Variants in VAT1L observed in about 807,000 individuals in gnomAD.
The protein encoded by VAT1L is putative NADPH-dependent quinone oxidoreductase VAT1L.
VAT1L carries 34 observed loss-of-function variants against 44.1 expected under a neutral mutation model. The observed-to-expected ratio is 0.77, with a 90% CI of 0.59 to 1.03. The LOEUF is 1.03. VAT1L is among the 50% of genes least tolerant of loss of function. The pLI is 0.00. For synonymous variants in VAT1L, 253 were observed against 202.2 expected (o/e 1.25, Z -2.13); for missense variants, 615 against 538.8 (o/e 1.14, Z -1.40).
At chr16:77,953,495 C>CT (rs1288334721) in intron 7 of VAT1L, among the ~76,000 whole-genome samples, 3 of 152,076 alleles carry the variant, frequency 2.0e-5, no homozygotes, top group Non-Finnish European at 4.4e-5. Context: ...TATTTCTGGA[C>CT]TTTTTTTCAT....
At chr16:77,839,535 CAAAAAAAAAAAAA>C (rs71137846) in intron 3 of VAT1L, among the ~76,000 whole-genome samples, 10 of 49,084 alleles carry the variant, frequency 2.0e-4, no homozygotes, top group East Asian at 1.2e-3. Flanking sequence ...TACTCCATAT[CAAAAAAAAAAAAA>C]AAAAAAAAAA....
rs55995217 is a variant in VAT1L, at chr16:77,880,591, ATTTT to A, written c.882+1386_882+1389del. Among the ~76,000 whole-genome samples the A allele has an allele frequency of 7.4e-5, 4 of 54,260 alleles. No individual in the cohort carries two copies. In the Admixed American group the frequency reaches 1.4e-3, roughly 18 times the overall value. The allele number at this position is 54,260 out of a possible 152,430, so 35.6% of individuals were successfully genotyped here. A position where few individuals can be genotyped will look rare whatever the true frequency, so the allele number is the denominator to read the frequency against. Reference sequence around the variant, plus strand: ...TTTTTTTCTTCGCACGTTCCAGGGTATTTTTTTTTTTTTTTTTTTTTTAGTAATT... The same window carrying A: ...TTTTTTTCTTCGCACGTTCCAGGGTATTTTTTTTTTTTTTTTTTAGTAATT... On this transcript the variant is annotated intron_variant, in intron 6 of 8. Coordinates refer to ENST00000302536, the MANE Select transcript of VAT1L (RefSeq NM_020927.3).
At chr16:77,972,008 T>TG (rs888485250) in intron 8 of VAT1L, 75 bp downstream of exon 8, 1 of 1,450,656 alleles carries the variant, frequency 6.9e-7, no homozygotes, top group African/African-American at 1.4e-5. Flanking sequence ...CAGACACGGG[T>TG]GGGGTAGAAG....
chr16:77,962,625 G>A (rs895779478), intron 7 of VAT1L, among the ~76,000 whole-genome samples: 6 of 152,002 alleles, frequency 3.9e-5, no homozygotes, highest in African/African-American at 1.4e-4. Flanking sequence ...GCTCATGCCT[G>A]TAATCCCAGC....
At chr16:77,947,172 G>C (rs796194849) in intron 7 of VAT1L, among the ~76,000 whole-genome samples, 16 of 152,274 alleles carry the variant, frequency 1.1e-4, no homozygotes, top group African/African-American at 3.6e-4. Context: ...AGATTTTAAA[G>C]TCACACTGAC....
At chr16:77,824,436 A>T (rs1022478959) in intron 2 of VAT1L, among the ~76,000 whole-genome samples, 1 of 152,140 alleles carries the variant, frequency 6.6e-6, no homozygotes, top group Non-Finnish European at 1.5e-5. Flanking sequence ...GTATTTTAAA[A>T]GTTATTCGTT....
At chr16:77,920,318 T>C (rs577835536) in intron 7 of VAT1L, among the ~76,000 whole-genome samples, 18 of 152,220 alleles carry the variant, frequency 1.2e-4, no homozygotes, top group Non-Finnish European at 1.8e-4. Context: ...AGGAAACTGA[T>C]AGAGGCAGGT....
intron 3 of VAT1L, among the ~76,000 whole-genome samples, chr16:77,851,758 C>A (rs777906637): frequency 1.3e-5 from 2 of 152,126 alleles, no homozygotes; most frequent in Non-Finnish European, 2.9e-5. Flanking sequence ...CATGTGAGTT[C>A]GCTGAGGCTC....
Position 77,977,703 on chromosome 16 carries a change from C to G in VAT1L, c.*8C>G. 6.2e-7 allele frequency: 1 copy of G among 1,612,850 alleles called. No individual in the cohort carries two copies. Among genetic ancestry groups the G allele is most frequent in the Non-Finnish European group, 8.5e-7 (1 of 1,179,400 alleles). On this transcript the variant is annotated 3_prime_UTR_variant, in exon 9 of 9. Transcript: ENST00000302536. ...ATGCCCTTTATCCAGTAACTGAGGA[C>G]CCAGGTGGGAGAATGTGAAGGATGG...
chr16:77,805,009 G>C (rs1237304818), intron 1 of VAT1L, among the ~76,000 whole-genome samples: 1 of 152,168 alleles, frequency 6.6e-6, no homozygotes, highest in East Asian at 1.9e-4. Context: ...TGGTTAGAGA[G>C]GGTGGACAGG....
intron 7 of VAT1L, among the ~76,000 whole-genome samples, chr16:77,927,900 C>A (rs909049997): frequency 2.6e-5 from 4 of 152,136 alleles, no homozygotes; most frequent in African/African-American, 9.7e-5. Context: ...ATAAACTTTT[C>A]AATTTCCTTT....
At chr16:77,867,149 A>C (rs1022060244) in intron 4 of VAT1L, among the ~76,000 whole-genome samples, 1 of 152,204 alleles carries the variant, frequency 6.6e-6, no homozygotes, top group Non-Finnish European at 1.5e-5. Flanking sequence ...AGGTAGGAAC[A>C]GATTTGGCCT....
At chr16:77,888,342 C>T (rs1274561869) in intron 7 of VAT1L, among the ~76,000 whole-genome samples, 3 of 152,272 alleles carry the variant, frequency 2.0e-5, no homozygotes, top group South Asian at 4.1e-4. Flanking sequence ...TATATTATTC[C>T]AGACCCCAGT....
At chr16:77,943,693 C>T (rs1468503080) in intron 7 of VAT1L, among the ~76,000 whole-genome samples, 3 of 152,084 alleles carry the variant, frequency 2.0e-5, no homozygotes, top group South Asian at 2.1e-4. Context: ...TGAGTCACTG[C>T]GCCCGACCCA....
At chr16:77,855,863 C>T (rs1033049127) in intron 3 of VAT1L, among the ~76,000 whole-genome samples, 1 of 152,034 alleles carries the variant, frequency 6.6e-6, no homozygotes, top group Non-Finnish European at 1.5e-5. Flanking sequence ...ACTAAAAATA[C>T]AAAAATTAGC....
chr16:77,906,275 G>A (rs2017435622), intron 7 of VAT1L, among the ~76,000 whole-genome samples: 1 of 152,190 alleles, frequency 6.6e-6, no homozygotes, highest in Non-Finnish European at 1.5e-5. Context: ...GTGCAATGTG[G>A]AGACGGCTTT....
Position 77,816,976 on chromosome 16 carries a change from A to T in VAT1L, c.289A>T (p.Lys97Ter). The T allele has an allele frequency of 1.2e-6, 2 of 1,614,036 alleles. No individual in the cohort carries two copies. The highest frequency in any genetic ancestry group is 1.7e-6 in the Non-Finnish European group (2 of 1,179,938). ...VRQGNIDNPP[K>*]TPLVPGFECS... is the part of the protein sequence containing the mutation. ...ACAAGGGAATATTGACAACCCTCCC[A>T]AGACTCCCCTGGTGCCAGGATTTGA... Residue 97 changes from lysine to a stop codon, truncating the protein, a stop_gained, in exon 2 of 9, where the codon AAG (lysine) becomes TAG (stop). Transcript: ENST00000302536. LOFTEE classifies it high-confidence loss of function.
chr16:77,827,063 A>G (rs2016531040), intron 3 of VAT1L, among the ~76,000 whole-genome samples: 1 of 152,218 alleles, frequency 6.6e-6, no homozygotes, highest in Non-Finnish European at 1.5e-5. Flanking sequence ...AAAGATAGGA[A>G]ACTTTAGGAA....
intron 7 of VAT1L, among the ~76,000 whole-genome samples, chr16:77,969,937 G>A (rs1050500283): frequency 2.6e-5 from 4 of 151,574 alleles, no homozygotes; most frequent in Non-Finnish European, 5.9e-5. Flanking sequence ...TCAGGGCCGG[G>A]CACAGTGGCT....
Sources: gnomAD v4.1 joint callset for allele counts (sites outside exome capture counted in the v4.1 genomes callset) on GRCh38, gnomAD v4.1.1 for gene constraint, MANE v1.5 for transcripts, NCBI Gene and HGNC (gene_info 2026-07-23, HGNC 2026-07-21) for gene names.